TCOF1: variants seen among roughly 807,000 people sequenced by gnomAD.
The protein encoded by TCOF1 is treacle ribosome biogenesis factor 1.
In TCOF1, 33 loss-of-function variants were observed where a neutral mutation model predicts 149.0. That is an observed-to-expected ratio of 0.22 (90% CI 0.17 to 0.30). TCOF1 has a LOEUF of 0.30. Among genes scored for constraint, TCOF1 ranks in the 10% least tolerant of loss-of-function variants. The pLI is 1.00. For missense variants in TCOF1, 1,728 were observed against 1,840.7 expected, an observed-to-expected ratio of 0.94 and a Z score of 1.12; for synonymous variants, 789 against 738.8, an observed-to-expected ratio of 1.07 and a Z score of -1.10.
chr5:150,367,433 G>A (rs1761604310), intron 3 of TCOF1: 1 of 227,914 alleles, frequency 4.4e-6, no homozygotes, highest in African/African-American at 2.3e-5. Flanking sequence ...ACCTGAGGCT[G>A]GCTGCCTGCC....
chr5:150,370,411 A>G (rs1762264489), intron 6 of TCOF1, among the ~76,000 whole-genome samples: 1 of 152,236 alleles, frequency 6.6e-6, no homozygotes, highest in Non-Finnish European at 1.5e-5. Context: ...GCTGGAGTGC[A>G]GTAGCGCGAT....
At chr5:150,361,091 T>G (rs1332277586) in intron 1 of TCOF1, 65 bp from the exon 2 acceptor site, 4 of 1,607,768 alleles carry the variant, frequency 2.5e-6, no homozygotes, top group Non-Finnish European at 3.4e-6. Context: ...TGGGGAGATC[T>G]GGGCCCAAGA....
intron 17 of TCOF1, among the ~76,000 whole-genome samples, chr5:150,381,542 A>G (rs1013920829): frequency 6.6e-6 from 1 of 152,262 alleles, no homozygotes; most frequent in African/African-American, 2.4e-5. Context: ...ATGAAGGCAC[A>G]TGGTCACTGA....
chr5:150,373,886 A>G (rs1227344493), intron 7 of TCOF1, among the ~76,000 whole-genome samples: 1 of 152,152 alleles, frequency 6.6e-6, no homozygotes, highest in African/African-American at 2.4e-5. Flanking sequence ...ACCAGGGGGA[A>G]CCATGTTAAG....
chr5:150,372,468 G>GGGGA (rs1762759779), intron 7 of TCOF1, among the ~76,000 whole-genome samples: 1 of 152,268 alleles, frequency 6.6e-6, no homozygotes. Flanking sequence ...CCTCGTCCCA[G>GGGGA]CCAGTCCTGC....
chr5:150,391,411 A>T, intron 19 of TCOF1, 133 bp from the exon 20 acceptor site: 1 of 785,516 alleles, frequency 1.3e-6, no homozygotes, highest in Non-Finnish European at 2.3e-6. Context: ...GCCTGCCACC[A>T]GTTTTGCCCC....
At position 150,375,798 on chromosome 5, in the gene TCOF1, T is replaced by C. The variant is rs1187806917; in HGVS notation, c.1782T>C (p.Pro594=). The change falls in exon 12 of 27, where the codon CCT becomes CCC. Residue 594 remains proline, a synonymous_variant. Coordinates refer to ENST00000643257, the MANE Select transcript of TCOF1 (RefSeq NM_001371623.1). ...PAKGPPQKAG[P]VAVQVKAEKP... is the part of the protein sequence containing the mutation. ...AGGGGCCCCCTCAGAAGGCAGGGCC[T>C]GTAGCCGTCCAGGTCAAGGCTGAAA... 2 of 1,614,254 alleles carry C rather than the reference T, an allele frequency of 1.2e-6. No homozygotes were observed. The highest frequency in any genetic ancestry group is 1.7e-5 in the Admixed American group (1 of 60,032).
chr5:150,367,800 G>A lies in TCOF1; in HGVS notation c.305-44G>A, dbSNP rs1272387716. On this transcript the variant is annotated intron_variant, in intron 3 of 26. Transcript: ENST00000643257. ...AAACCTGTTTGCCATTCATAGATGA[G>A]AAAAGCTCATCTGGCTCCTTTAGCA... 3 of 1,610,228 alleles carry A rather than the reference G, an allele frequency of 1.9e-6. No homozygotes were observed. In the African/African-American group the frequency reaches 4.0e-5, roughly 22 times the overall value.
intron 2 of TCOF1, among the ~76,000 whole-genome samples, chr5:150,363,823 T>C (rs1478476248): frequency 7.9e-5 from 12 of 152,212 alleles, no homozygotes; most frequent in Admixed American, 7.9e-4. Flanking sequence ...GTGAGGTGCC[T>C]GCATGGGTCA....
At chr5:150,361,238 G>T (rs1290654421) in intron 2 of TCOF1, 27 bp downstream of exon 2, 2 of 1,613,570 alleles carry the variant, frequency 1.2e-6, no homozygotes, top group African/African-American at 1.3e-5. Context: ...ATAGGGTGGA[G>T]TAGGGACGGA....
intron 7 of TCOF1, among the ~76,000 whole-genome samples, chr5:150,373,106 A>G (rs1476424641): frequency 1.3e-5 from 2 of 152,080 alleles, no homozygotes; most frequent in Non-Finnish European, 2.9e-5. Flanking sequence ...TTTGAGACAG[A>G]GTCTTGCTCT....
intron 6 of TCOF1, among the ~76,000 whole-genome samples, chr5:150,371,487 AGG>A (rs994125061): frequency 6.6e-6 from 1 of 152,232 alleles, no homozygotes; most frequent in Non-Finnish European, 1.5e-5. Flanking sequence ...AGGTAGAAGT[AGG>A]GCACTGACTG....
intron 25 of TCOF1, 77 bp from the exon 26 acceptor site, chr5:150,398,945 G>A: frequency 6.2e-7 from 1 of 1,606,558 alleles, no homozygotes; most frequent in Non-Finnish European, 8.5e-7. Context: ...GAATTCACTA[G>A]TCCTCAGGAG....
At chr5:150,394,166 C>T in intron 23 of TCOF1, 1 of 157,484 alleles carries the variant, frequency 6.3e-6, no homozygotes, top group Non-Finnish European at 1.4e-5. Context: ...GCTTGTGGAG[C>T]AAGTGTTGGC....
At chr5:150,398,907 C>A in intron 25 of TCOF1, 115 bp from the exon 26 acceptor site, 1 of 1,452,440 alleles carries the variant, frequency 6.9e-7, no homozygotes, top group Non-Finnish European at 9.6e-7. Context: ...CCTTGGAGGT[C>A]GCTGCAGACC....
chr5:150,373,844 G>A lies in TCOF1; in HGVS notation c.871-330G>A, dbSNP rs1763085539. On this transcript the variant is annotated intron_variant, in intron 7 of 26. Transcript: ENST00000643257. The stretch of plus-strand genomic sequence containing the variant: ...CTCTGGCCAGTGGGAGCCCAGCAGA[G>A]GACAGGCTCTAACTACCCAGTGTGC... Among the ~76,000 whole-genome samples the A allele has an allele frequency of 3.3e-5, 5 of 152,202 alleles. No homozygotes were observed. The South Asian group carries it at 1.0e-3, about 31-fold the overall frequency.
At chr5:150,361,827 A>G (rs1760173414) in intron 2 of TCOF1, among the ~76,000 whole-genome samples, 1 of 152,194 alleles carries the variant, frequency 6.6e-6, no homozygotes, top group Non-Finnish European at 1.5e-5. Context: ...GCTAATGCTA[A>G]GTCCTGTGGC....
At chr5:150,393,674 C>A in intron 23 of TCOF1, 122 bp downstream of exon 23, 2 of 1,316,230 alleles carry the variant, frequency 1.5e-6, no homozygotes, top group Non-Finnish European at 2.1e-6. Context: ...AGAGCCTCTC[C>A]AAGTGAGACC....
chr5:150,359,589 C>T (rs1387796816), intron 1 of TCOF1, among the ~76,000 whole-genome samples: 1 of 152,146 alleles, frequency 6.6e-6, no homozygotes, highest in Non-Finnish European at 1.5e-5. Context: ...CCTGGAGGGA[C>T]TAAAGGGTGA....
Sources: allele counts gnomAD v4.1 joint callset (sites outside exome capture counted in the v4.1 genomes callset), GRCh38; gene constraint gnomAD v4.1.1; transcripts MANE v1.5; gene names NCBI Gene and HGNC (gene_info 2026-07-23, HGNC 2026-07-21).